The following SNTG2 variants were observed in gnomAD, a reference collection of about 807,000 sequenced individuals.
The protein encoded by SNTG2 is gamma-2-syntrophin.
In SNTG2, 74 loss-of-function variants were observed where a neutral mutation model predicts 70.9. The observed-to-expected ratio is 1.04, with a 90% confidence interval of 0.86 to 1.27. The LOEUF (loss-of-function observed/expected upper bound fraction) is 1.27, where lower values mean the gene tolerates loss of function less well. Ranked by LOEUF, SNTG2 falls within the 50% of genes most tolerant of loss-of-function variation. SNTG2 has a pLI of 0.00. For synonymous variants in SNTG2, 278 were observed against 273.8 expected (o/e 1.02, Z -0.15); for missense variants, 717 against 690.7 (o/e 1.04, Z -0.43).
chr2:1,147,561 A>G (rs1041234080), intron 6 of SNTG2, among the ~76,000 whole-genome samples: 1 of 152,220 alleles, frequency 6.6e-6, no homozygotes, highest in South Asian at 2.1e-4. Context: ...CAGATGGCCT[A>G]TTGTGGGACC....
intron 1 of SNTG2, among the ~76,000 whole-genome samples, chr2:1,039,705 A>G (rs1006981280): frequency 2.0e-5 from 3 of 152,020 alleles, no homozygotes; most frequent in Non-Finnish European, 4.4e-5. Flanking sequence ...ATTTATTGAC[A>G]TTTTTTTCTG....
intron 4 of SNTG2, among the ~76,000 whole-genome samples, chr2:1,114,391 A>AGT (rs1338494692): frequency 2.8e-4 from 43 of 150,916 alleles, no homozygotes; most frequent in African/African-American, 9.5e-4. Context: ...TAAACCTTAC[A>AGT]CTCCTTTGAG....
chr2:1,095,935 G>A (rs1665362299), intron 2 of SNTG2, among the ~76,000 whole-genome samples: 1 of 152,208 alleles, frequency 6.6e-6, no homozygotes, highest in Non-Finnish European at 1.5e-5. Flanking sequence ...GCAGCTGGCA[G>A]GTGGACGGAC....
intron 13 of SNTG2, among the ~76,000 whole-genome samples, chr2:1,266,751 C>CTTTTTTTTTTTTTTTTTTTTTTT (rs59679083): frequency 2.8e-5 from 3 of 107,752 alleles, no homozygotes; most frequent in African/African-American, 3.6e-5. Flanking sequence ...TCATCTTTAT[C>CTTTTTTTTTTTTTTTTTTTTTTT]TTTTTTTTTT....
At chr2:1,286,029 C>G (rs902587952) in intron 14 of SNTG2, among the ~76,000 whole-genome samples, 2 of 152,218 alleles carry the variant, frequency 1.3e-5, no homozygotes, top group Non-Finnish European at 2.9e-5. Context: ...AACACTGTAA[C>G]TCCTCTCTTA....
intron 14 of SNTG2, among the ~76,000 whole-genome samples, chr2:1,286,399 CA>C (rs768573329): frequency 3.3e-5 from 5 of 152,192 alleles, no homozygotes; most frequent in Non-Finnish European, 5.9e-5. Flanking sequence ...ATTGTGACTT[CA>C]AAAGGCCATT....
intron 4 of SNTG2, among the ~76,000 whole-genome samples, chr2:1,112,527 A>C (rs575756238): frequency 1.1e-3 from 163 of 151,672 alleles, no homozygotes; most frequent in Non-Finnish European, 2.2e-3. Flanking sequence ...TAACCCTTAC[A>C]GTCCTTTCAG....
intron 1 of SNTG2, among the ~76,000 whole-genome samples, chr2:1,015,860 T>G (rs75343322): frequency 6.6e-6 from 1 of 152,322 alleles, no homozygotes; most frequent in Non-Finnish European, 1.5e-5. Flanking sequence ...CCCAGCATCA[T>G]CTGTATCTGC....
chr2:1,007,036 TAAATA>T (rs2147993511), intron 1 of SNTG2, among the ~76,000 whole-genome samples: 1 of 151,570 alleles, frequency 6.6e-6, no homozygotes, highest in East Asian at 1.9e-4. Flanking sequence ...CTCAAATAAA[TAAATA>T]AATAAATAAA....
At chr2:965,551 C>G (rs944965353) in intron 1 of SNTG2, among the ~76,000 whole-genome samples, 1 of 143,910 alleles carries the variant, frequency 6.9e-6, no homozygotes, top group Non-Finnish European at 1.5e-5. Context: ...TCCTTGACCC[C>G]CTGGTCCTCT....
chr2:958,149 C>T (rs541784658), intron 1 of SNTG2, among the ~76,000 whole-genome samples: 5 of 152,188 alleles, frequency 3.3e-5, no homozygotes, highest in East Asian at 1.9e-4. Flanking sequence ...AGGTGTGGTC[C>T]GCATGGTGGC....
chr2:987,924 G>A (rs2147974895), intron 1 of SNTG2, among the ~76,000 whole-genome samples: 1 of 152,292 alleles, frequency 6.6e-6, no homozygotes, highest in African/African-American at 2.4e-5. Flanking sequence ...TCCAGCCCCT[G>A]GGTCTGCGCC....
Position 1,249,872 on chromosome 2 carries a change from C to T in SNTG2, c.1005+2429C>T, listed in dbSNP as rs114629891. Among the ~76,000 whole-genome samples the T allele has an allele frequency of 1.4e-3, 210 of 152,182 alleles. 2 individuals are homozygous for T. The highest frequency in any genetic ancestry group is 5.0e-3 in the African/African-American group (206 of 41,512). ...GAGTCTTCCCTCAGGGCCCTGAGGT[C>T]GCTGCCACTCACACTGGCCGGGCAG... On this transcript the variant is annotated intron_variant, in intron 12 of 16. Transcript: ENST00000308624.
intron 1 of SNTG2, among the ~76,000 whole-genome samples, chr2:974,905 C>T (rs1660860000): frequency 6.6e-6 from 1 of 152,132 alleles, no homozygotes; most frequent in African/African-American, 2.4e-5. Context: ...ATATATACCC[C>T]AAACTAAACA....
At chr2:1,123,612 G>A (rs1400827556) in intron 4 of SNTG2, among the ~76,000 whole-genome samples, 2 of 152,146 alleles carry the variant, frequency 1.3e-5, no homozygotes, top group Non-Finnish European at 2.9e-5. Flanking sequence ...TCCTAGAAGA[G>A]AACGTTGGAG....
intron 8 of SNTG2, among the ~76,000 whole-genome samples, chr2:1,177,706 A>G (rs1341476809): frequency 6.6e-6 from 1 of 152,136 alleles, no homozygotes; most frequent in South Asian, 2.1e-4. Context: ...CAAAAAAGAG[A>G]TAATTATTTC....
intron 1 of SNTG2, among the ~76,000 whole-genome samples, chr2:957,451 T>A (rs1254129808): frequency 6.6e-6 from 1 of 152,086 alleles, no homozygotes; most frequent in African/African-American, 2.4e-5. Flanking sequence ...TGATGCACCT[T>A]ACGTACGTGC....
intron 1 of SNTG2, among the ~76,000 whole-genome samples, chr2:1,007,734 C>G (rs1029056160): frequency 1.5e-4 from 23 of 152,132 alleles, no homozygotes; most frequent in African/African-American, 5.6e-4. Flanking sequence ...GTTATAAACT[C>G]AGTGGACAAT....
chr2:1,290,137 G>A (rs1028266659), intron 14 of SNTG2, among the ~76,000 whole-genome samples: 2 of 152,114 alleles, frequency 1.3e-5, no homozygotes, highest in African/African-American at 4.8e-5. Context: ...AACTACCTGA[G>A]GTTAGGTTAT....
Sources: gnomAD v4.1 joint callset for allele counts (sites outside exome capture counted in the v4.1 genomes callset) on GRCh38, gnomAD v4.1.1 for gene constraint, MANE v1.5 for transcripts, NCBI Gene and HGNC (gene_info 2026-07-23, HGNC 2026-07-21) for gene names.